The following GLRA1 variants were observed in gnomAD, a reference collection of about 807,000 sequenced individuals.
The protein encoded by GLRA1 is glycine receptor alpha 1, also known as glycine receptor subunit alpha-1.
A neutral mutation model predicts 48.3 loss-of-function variants in GLRA1; 37 were observed. The observed-to-expected ratio is 0.77, with a 90% CI of 0.59 to 1.01. The LOEUF (loss-of-function observed/expected upper bound fraction) is 1.01, where lower values mean the gene tolerates loss of function less well. Among genes scored for constraint, GLRA1 ranks in the 50% least tolerant of loss-of-function variants. GLRA1 has a pLI of 0.00. For synonymous variants in GLRA1, 196 were observed against 210.7 expected (o/e 0.93, Z 0.60); for missense variants, 427 against 571.0 (o/e 0.75, Z 2.57).
chr5:151,910,608 A>G (rs553780327), intron 1 of GLRA1, among the ~76,000 whole-genome samples: 8 of 152,286 alleles, frequency 5.3e-5, no homozygotes, highest in Admixed American at 3.3e-4. Context: ...TTGCCTGCCC[A>G]TGATACTAAC....
In GLRA1 at chr5:151,829,045, T is replaced by C; in HGVS notation, c.935A>G (p.Asp312Gly). 2 of 1,613,968 alleles carry C rather than the reference T, an allele frequency of 1.2e-6. No individual in the cohort carries two copies. The highest frequency in any genetic ancestry group is 1.1e-5 in the South Asian group (1 of 91,062). The change falls in exon 8 of 9, where the codon GAC becomes GGC. Residue 312 changes from aspartate to glycine, a missense_variant. Transcript: ENST00000274576. ...GAGCAGGCAAACTGCCATCCAAATG[T>C]CAATGGCTTTCACATAGGACACCTA... ...LPKVSYVKAI[D>G]IWMAVCLLFV...
intron 7 of GLRA1, among the ~76,000 whole-genome samples, chr5:151,829,548 G>T (rs557717906): frequency 7.3e-4 from 111 of 152,282 alleles, no homozygotes; most frequent in African/African-American, 2.5e-3. Flanking sequence ...ATTTATTCAA[G>T]AAAATCAGCT....
intron 7 of GLRA1, 94 bp downstream of exon 7, chr5:151,851,296 A>T: frequency 1.2e-6 from 1 of 825,660 alleles, no homozygotes; most frequent in Non-Finnish European, 2.1e-6. Flanking sequence ...AGTAGTGAAT[A>T]ATTCCTTTGC....
intron 1 of GLRA1, among the ~76,000 whole-genome samples, chr5:151,905,208 A>C (rs1754448525): frequency 6.6e-6 from 1 of 152,146 alleles, no homozygotes; most frequent in Non-Finnish European, 1.5e-5. Context: ...GCACATTGGG[A>C]AAATACAATG....
rs1754984647 is a variant in GLRA1 at position 151,924,799 on chromosome 5, A to G, written c.-250T>C. 1.7e-6 allele frequency: 1 copy of G among 589,342 alleles called. No homozygotes were observed. Among genetic ancestry groups the G allele is most frequent in the Non-Finnish European group, 3.0e-6 (1 of 330,062 alleles). The allele number at this position is 589,342 out of a possible 1,614,324, so 36.5% of individuals were successfully genotyped here. Reference sequence around the variant, plus strand: ...CCAGACCTGCTTTTCAGGAGCGCGAAGAGTATTGCTGTTTGTTAAACTCCA... The same window carrying G: ...CCAGACCTGCTTTTCAGGAGCGCGAGGAGTATTGCTGTTTGTTAAACTCCA... On this transcript the variant is annotated 5_prime_UTR_variant, in exon 1 of 9. Transcript: ENST00000274576.
At chr5:151,833,000 A>T (rs1030736321) in intron 7 of GLRA1, among the ~76,000 whole-genome samples, 1 of 152,164 alleles carries the variant, frequency 6.6e-6, no homozygotes, top group Non-Finnish European at 1.5e-5. Flanking sequence ...ATATTCAACA[A>T]TCTTAAAGAA....
chr5:151,852,776 A>T (rs1752944798), intron 6 of GLRA1, among the ~76,000 whole-genome samples: 1 of 152,246 alleles, frequency 6.6e-6, no homozygotes, highest in African/African-American at 2.4e-5. Context: ...TGCAGTGAAC[A>T]TGGGAGTGCA....
At chr5:151,845,990 C>T (rs941275771) in intron 7 of GLRA1, among the ~76,000 whole-genome samples, 4 of 152,006 alleles carry the variant, frequency 2.6e-5, no homozygotes, top group Non-Finnish European at 4.4e-5. Context: ...TCCATTTATA[C>T]GAGATGTCCA....
Position 151,924,694 on chromosome 5 carries a change from C to T in GLRA1, c.-145G>A. 1.4e-6 allele frequency: 1 copy of T among 727,352 alleles called. No individual in the cohort carries two copies. The highest frequency in any genetic ancestry group is 1.4e-5 in the South Asian group (1 of 69,610). 45.1% of individuals were successfully genotyped at this position (727,352 alleles called of 1,614,324 possible). A position where few individuals can be genotyped will look rare whatever the true frequency, so the allele number is the denominator to read the frequency against. ...GGAACAGGGGCGCGGAGGGAGAGCC[C>T]CAGGGGAAATTGGAGCGAGGGGGTC... is the stretch of plus-strand genomic sequence containing the variant. On this transcript the variant is annotated 5_prime_UTR_variant, in exon 1 of 9. Transcript: ENST00000274576.
intron 3 of GLRA1, among the ~76,000 whole-genome samples, chr5:151,863,313 T>C (rs1485918180): frequency 6.6e-6 from 1 of 152,024 alleles, no homozygotes; most frequent in Admixed American, 6.6e-5. Flanking sequence ...TCCCAGCTAC[T>C]CAGGAGGCTG....
intron 1 of GLRA1, among the ~76,000 whole-genome samples, chr5:151,920,287 A>C (rs1203202239): frequency 6.6e-6 from 1 of 152,206 alleles, no homozygotes; most frequent in African/African-American, 2.4e-5. Context: ...AAGAAAATTG[A>C]GTCCCCATTA....
At chr5:151,826,338 T>C (rs1763268910) in intron 8 of GLRA1, among the ~76,000 whole-genome samples, 1 of 152,238 alleles carries the variant, frequency 6.6e-6, no homozygotes, top group Non-Finnish European at 1.5e-5. Flanking sequence ...AAATCTGGCC[T>C]TCCGGCTACT....
Position 151,851,899 on chromosome 5 carries a change from A to G in GLRA1, c.698-295T>C, listed in dbSNP as rs12518722. 0.19 allele frequency among the ~76,000 whole-genome samples: 29,378 copies of G among 152,048 alleles called. 3,535 individuals are homozygous for G. The highest frequency in any genetic ancestry group is 0.32 in the South Asian group (1,516 of 4,810). On this transcript the variant is annotated intron_variant, in intron 6 of 8. Coordinates refer to ENST00000274576, the MANE Select transcript of GLRA1 (RefSeq NM_000171.4). ...AAATGTTCAGAATTGTCAATTGCCA[A>G]CATCACTGTTACCATCATCATCATC...
At chr5:151,838,095 A>C (rs1485437234) in intron 7 of GLRA1, among the ~76,000 whole-genome samples, 2 of 152,238 alleles carry the variant, frequency 1.3e-5, no homozygotes, top group African/African-American at 4.8e-5. Context: ...ACTTTAAATC[A>C]GTTATTTTAA....
intron 1 of GLRA1, among the ~76,000 whole-genome samples, chr5:151,894,051 A>G (rs1754168809): frequency 6.6e-6 from 1 of 152,186 alleles, no homozygotes; most frequent in African/African-American, 2.4e-5. Context: ...CTGAAATTAT[A>G]TCCAGGAGAT....
chr5:151,839,529 C>T (rs999160928), intron 7 of GLRA1, among the ~76,000 whole-genome samples: 5 of 152,012 alleles, frequency 3.3e-5, no homozygotes, highest in Non-Finnish European at 7.4e-5. Context: ...AAGTTTTTTG[C>T]GTACTGTTTG....
At chr5:151,887,845 CAGG>C (rs1753954834) in intron 2 of GLRA1, among the ~76,000 whole-genome samples, 1 of 152,154 alleles carries the variant, frequency 6.6e-6, no homozygotes, top group African/African-American at 2.4e-5. Flanking sequence ...GTAAAAGCAG[CAGG>C]AGTCCAGGTG....
intron 1 of GLRA1, 145 bp downstream of exon 1, chr5:151,924,349 A>C: frequency 1.5e-6 from 1 of 675,054 alleles, no homozygotes; most frequent in Non-Finnish European, 2.7e-6. Flanking sequence ...AGGGGGGAGA[A>C]GGGAGACGGG....
intron 7 of GLRA1, 41 bp downstream of exon 7, chr5:151,851,349 A>G: frequency 7.5e-7 from 1 of 1,332,672 alleles, no homozygotes; most frequent in Non-Finnish European, 1.1e-6. Flanking sequence ...TGCTGTCCTT[A>G]TTTGTCCAGG....
Sources: gnomAD v4.1 joint callset for allele counts (sites outside exome capture counted in the v4.1 genomes callset) on GRCh38, gnomAD v4.1.1 for gene constraint, MANE v1.5 for transcripts, NCBI Gene and HGNC (gene_info 2026-07-23, HGNC 2026-07-21) for gene names.